The following UNC13C variants were observed in gnomAD, a reference collection of about 807,000 sequenced individuals.
UNC13C encodes the protein unc-13 homolog C, also known as protein unc-13 homolog C.
In UNC13C, 174 loss-of-function variants were observed where a neutral mutation model predicts 245.4. The ratio of observed to expected loss-of-function variants is 0.71; its 90% CI spans 0.63 to 0.80. UNC13C has a LOEUF of 0.80. Among genes scored for constraint, UNC13C ranks in the 30% least tolerant of loss-of-function variants. The probability of loss-of-function intolerance (pLI) is 0.00; values close to 1 mark genes in which losing one functional copy is unlikely to be tolerated. For synonymous variants in UNC13C, 992 were observed against 895.1 expected (o/e 1.11, Z -1.93); for missense variants, 2,829 against 2,602.9 (o/e 1.09, Z -1.89).
At chr15:54,162,124 T>C (rs1167677657) in intron 4 of UNC13C, among the ~76,000 whole-genome samples, 2 of 152,240 alleles carry the variant, frequency 1.3e-5, no homozygotes, top group Admixed American at 6.5e-5. Flanking sequence ...CATAAATTCA[T>C]GTGCATGTGT....
chr15:53,840,604 G>A, the UNC13C span, among the ~76,000 whole-genome samples: 28 of 152,218 alleles, frequency 1.8e-4, no homozygotes, highest in African/African-American at 6.7e-4. Flanking sequence ...GCAGCAAATG[G>A]TTAACACTAT....
chr15:54,375,982 C>A (rs2140890802), intron 17 of UNC13C, among the ~76,000 whole-genome samples: 1 of 152,240 alleles, frequency 6.6e-6, no homozygotes, highest in East Asian at 1.9e-4. Context: ...TTTTTAATCA[C>A]AATATTTTAT....
At chr15:54,064,710 T>C (rs1025041267) in intron 2 of UNC13C, among the ~76,000 whole-genome samples, 1 of 152,200 alleles carries the variant, frequency 6.6e-6, no homozygotes. Context: ...TATAATCTTG[T>C]TAAGAGCAGT....
intron 2 of UNC13C, among the ~76,000 whole-genome samples, chr15:54,123,136 A>G (rs2030792781): frequency 6.6e-6 from 1 of 151,916 alleles, no homozygotes; most frequent in Non-Finnish European, 1.5e-5. Flanking sequence ...AATTGCAGCT[A>G]TTTTAAAGTA....
At chr15:54,272,658 A>G (rs1361548561) in intron 10 of UNC13C, among the ~76,000 whole-genome samples, 5 of 151,978 alleles carry the variant, frequency 3.3e-5, no homozygotes, top group African/African-American at 1.2e-4. Context: ...CTACATTGTG[A>G]TTATGTCTAG....
intron 17 of UNC13C, among the ~76,000 whole-genome samples, chr15:54,342,154 T>G (rs1345761465): frequency 6.6e-6 from 1 of 152,076 alleles, no homozygotes; most frequent in African/African-American, 2.4e-5. Flanking sequence ...TTTGTGTGTG[T>G]TTCTCTTGGT....
chr15:53,893,122 A>G, the UNC13C span, among the ~76,000 whole-genome samples: 2 of 152,126 alleles, frequency 1.3e-5, no homozygotes, highest in East Asian at 3.9e-4. Context: ...TCTGCTGAAG[A>G]TCTGCTGGAG....
At chr15:54,455,701 G>T (rs1048645627) in intron 19 of UNC13C, among the ~76,000 whole-genome samples, 1 of 151,158 alleles carries the variant, frequency 6.6e-6, no homozygotes, top group Non-Finnish European at 1.5e-5. Context: ...TTTTTGATGG[G>T]GTTATGATTA....
chr15:54,341,839 G>A (rs1332203275), intron 17 of UNC13C, among the ~76,000 whole-genome samples: 1 of 152,088 alleles, frequency 6.6e-6, no homozygotes, highest in African/African-American at 2.4e-5. Flanking sequence ...AACCAGGAGT[G>A]GTGGTGGGCA....
chr15:54,345,636 C>G (rs1168720935), intron 17 of UNC13C, among the ~76,000 whole-genome samples: 1 of 152,170 alleles, frequency 6.6e-6, no homozygotes, highest in Non-Finnish European at 1.5e-5. Context: ...TATTTGTTAC[C>G]ATAGCACAAT....
At chr15:54,505,269 C>T (rs907800494) in intron 22 of UNC13C, among the ~76,000 whole-genome samples, 1 of 152,160 alleles carries the variant, frequency 6.6e-6, no homozygotes, top group Non-Finnish European at 1.5e-5. Flanking sequence ...ATGTTCCAGG[C>T]CTTGCCAGGT....
At chr15:54,427,167 T>A (rs189832797) in intron 19 of UNC13C, among the ~76,000 whole-genome samples, 7 of 151,904 alleles carry the variant, frequency 4.6e-5, no homozygotes, top group African/African-American at 1.7e-4. Context: ...TTTGGCTGTG[T>A]CCCCACTGAA....
the UNC13C span, among the ~76,000 whole-genome samples, chr15:53,941,289 CA>C: frequency 2.0e-5 from 3 of 151,376 alleles, no homozygotes; most frequent in Non-Finnish European, 4.4e-5. Flanking sequence ...ACATAGTATA[CA>C]AAAATGAAGA....
At position 54,013,117 on chromosome 15, in the gene UNC13C, A is replaced by T. The variant is rs370228589; in HGVS notation, c.214A>T (p.Thr72Ser). Reference sequence around the variant, plus strand: ...AAAGAAGATTGCAAAGTGTTCATCCACTCACAACTTATCCACTGAGGAAGA... The same window carrying T: ...AAAGAAGATTGCAAAGTGTTCATCCTCTCACAACTTATCCACTGAGGAAGA... ...TVKKIAKCSS[T>S]HNLSTEEDEA... Residue 72 changes from threonine (T) to serine (S), a missense_variant, in exon 2 of 33, where the codon ACT becomes TCT. By Grantham distance (58) the Thr-to-Ser change is moderately conservative. Transcript: ENST00000260323. The T allele has an allele frequency of 1.5e-5, 25 of 1,613,758 alleles. No homozygotes were observed. The highest frequency in any genetic ancestry group is 3.3e-5 in the Admixed American group (2 of 59,962).
At chr15:54,374,706 A>G (rs1008364205) in intron 17 of UNC13C, among the ~76,000 whole-genome samples, 2 of 152,192 alleles carry the variant, frequency 1.3e-5, no homozygotes, top group African/African-American at 2.4e-5. Flanking sequence ...CAGGATTTCC[A>G]TTCCTCCAAC....
At chr15:54,345,637 A>G (rs1477620019) in intron 17 of UNC13C, among the ~76,000 whole-genome samples, 2 of 152,228 alleles carry the variant, frequency 1.3e-5, no homozygotes, top group Non-Finnish European at 2.9e-5. Context: ...ATTTGTTACC[A>G]TAGCACAATC....
chr15:54,231,445 G>A (rs185793081), intron 4 of UNC13C, among the ~76,000 whole-genome samples: 40 of 151,986 alleles, frequency 2.6e-4, no homozygotes, highest in Admixed American at 2.0e-3. Flanking sequence ...TCAAACCTTG[G>A]CACTGCCATT....
At chr15:54,358,803 A>G (rs954210404) in intron 17 of UNC13C, among the ~76,000 whole-genome samples, 1 of 152,004 alleles carries the variant, frequency 6.6e-6, no homozygotes, top group African/African-American at 2.4e-5. Flanking sequence ...GATGCCCTTT[A>G]TCTCTTTCTC....
At chr15:54,561,169 C>T (rs1420778940) in intron 29 of UNC13C, among the ~76,000 whole-genome samples, 27 of 151,982 alleles carry the variant, frequency 1.8e-4, no homozygotes. Context: ...TATAAGAGCA[C>T]AGCCCTGGTT....
Sources: allele counts gnomAD v4.1 joint callset (sites outside exome capture counted in the v4.1 genomes callset), GRCh38; gene constraint gnomAD v4.1.1; transcripts MANE v1.5; gene names NCBI Gene and HGNC (gene_info 2026-07-23, HGNC 2026-07-21).